Variants in FANCB observed in about 807,000 individuals in gnomAD.
FANCB encodes Fanconi anemia group B protein.
In FANCB, 5 loss-of-function variants were observed where a neutral mutation model predicts 38.9. That is an observed-to-expected ratio of 0.13 (90% CI 0.07 to 0.27). The LOEUF is 0.27. FANCB is among the 10% of genes least tolerant of loss of function. The pLI is 1.00. For missense variants in FANCB, 573 were observed against 602.7 expected (o/e 0.95, Z 0.52); for synonymous variants, 236 against 215.4 (o/e 1.10, Z -0.84).
At chrX:14,738,163 T>G in the FANCB span, among the ~76,000 whole-genome samples, 1 of 112,386 alleles carries the variant, frequency 8.9e-6, no homozygotes, top group Admixed American at 9.4e-5. Context: ...TTTTCTCTGA[T>G]TCTAGACTAC....
rs770009999 is a variant in FANCB at position 14,860,634 on chromosome X, C to T, written c.952-1300G>A. On this transcript the variant is annotated intron_variant, in intron 3 of 9. Coordinates refer to ENST00000650831, the MANE Select transcript of FANCB (RefSeq NM_001018113.3). ...TAACACAATATATCTAAAATATTGTCATTTTAATTCAATGTAATCATTAAA... is the reference window on the plus strand; with the variant it reads ...TAACACAATATATCTAAAATATTGTTATTTTAATTCAATGTAATCATTAAA... Among the ~76,000 whole-genome samples the T allele has an allele frequency of 1.1e-3, 121 of 112,053 alleles. 1 individual carries two copies. Among genetic ancestry groups the T allele is most frequent in the African/African-American group, 3.8e-3 (117 of 30,891 alleles).
the FANCB span, among the ~76,000 whole-genome samples, chrX:14,767,937 A>T: frequency 8.9e-6 from 1 of 112,086 alleles, no homozygotes; most frequent in African/African-American, 3.2e-5. Context: ...TTTATTAGAC[A>T]GTCCTTTCCC....
rs2092465702 is a variant in FANCB at position 14,865,499 on chromosome X, T to A, written c.12A>T (p.Lys4Asn). The stretch of plus-strand genomic sequence containing the variant: ...CTTGTTCGTTAGATGACATTGCTTG[T>A]TTGCTAGTCATTCCACAATATCAAG... MTS[K>N]QAMSSNEQER... The change falls in exon 3 of 10, where the codon AAA becomes AAT. Residue 4 changes from lysine (K) to asparagine (N), a missense_variant. Transcript: ENST00000650831. 8.4e-7 allele frequency: 1 copy of A among 1,184,124 alleles called. No homozygotes were observed. The highest frequency in any genetic ancestry group is 1.8e-5 in the African/African-American group (1 of 56,831).
the FANCB span, among the ~76,000 whole-genome samples, chrX:14,810,362 T>C: frequency 8.9e-6 from 1 of 112,047 alleles, no homozygotes; most frequent in South Asian, 3.7e-4. Flanking sequence ...ACGATCAAAC[T>C]ACTCTGAGCT....
chrX:14,721,288 T>C, the FANCB span, among the ~76,000 whole-genome samples: 9 of 107,924 alleles, frequency 8.3e-5, no homozygotes, highest in Non-Finnish European at 1.3e-4. Flanking sequence ...TTAATAATAA[T>C]GTACATTTCA....
downstream of FANCB, among the ~76,000 whole-genome samples, chrX:14,831,439 G>A (rs1036907754): frequency 2.7e-5 from 3 of 111,946 alleles, no homozygotes; most frequent in African/African-American, 9.7e-5. Flanking sequence ...GCTGAGAGGT[G>A]AGAAATGAAT....
the FANCB span, among the ~76,000 whole-genome samples, chrX:14,755,386 A>C: frequency 8.9e-6 from 1 of 111,735 alleles, no homozygotes; most frequent in South Asian, 3.7e-4. Context: ...TTATATATTT[A>C]AAAAAAATCC....
At chrX:14,751,527 G>A in the FANCB span, among the ~76,000 whole-genome samples, 2 of 111,999 alleles carry the variant, frequency 1.8e-5, no homozygotes, top group Admixed American at 9.4e-5. Flanking sequence ...TGGGATGCAG[G>A]TAATGTTCTC....
chrX:14,727,171 A>T, the FANCB span, among the ~76,000 whole-genome samples: 9 of 111,530 alleles, frequency 8.1e-5, no homozygotes, highest in African/African-American at 2.9e-4. Flanking sequence ...TTTAAAAAAA[A>T]TAGACCCTAA....
the FANCB span, among the ~76,000 whole-genome samples, chrX:14,696,145 G>A: frequency 3.9e-5 from 4 of 103,234 alleles, no homozygotes; most frequent in Non-Finnish European, 7.9e-5. Flanking sequence ...GAAGAAGGAA[G>A]GAAGAAAGAA....
the FANCB span, among the ~76,000 whole-genome samples, chrX:14,741,813 G>A: frequency 2.9e-4 from 32 of 111,551 alleles, no homozygotes; most frequent in African/African-American, 9.8e-4. Context: ...TAAGGAGCGA[G>A]GTATTTACAA....
chrX:14,839,151 G>A (rs1014894438), downstream of FANCB, among the ~76,000 whole-genome samples: 13 of 110,759 alleles, frequency 1.2e-4, no homozygotes. Flanking sequence ...AAACTTAGGC[G>A]GCCATAGTGA....
the FANCB span, among the ~76,000 whole-genome samples, chrX:14,743,301 C>T: frequency 9.0e-6 from 1 of 111,587 alleles, no homozygotes; most frequent in Non-Finnish European, 1.9e-5. Flanking sequence ...CACCTTTCAA[C>T]CATGAATGTC....
the FANCB span, among the ~76,000 whole-genome samples, chrX:14,717,126 G>C: frequency 3.6e-5 from 4 of 110,959 alleles, no homozygotes. Context: ...CCTATAATAG[G>C]AGCTTCTTTA....
At chrX:14,690,343 T>C in the FANCB span, among the ~76,000 whole-genome samples, 1 of 112,071 alleles carries the variant, frequency 8.9e-6, no homozygotes, top group Non-Finnish European at 1.9e-5. Flanking sequence ...CATGTTTCAA[T>C]ATATGTACAC....
the FANCB span, among the ~76,000 whole-genome samples, chrX:14,818,863 GGT>G: frequency 2.7e-5 from 3 of 111,512 alleles, no homozygotes; most frequent in Non-Finnish European, 5.7e-5. Context: ...TCTCAATTTG[GGT>G]ACTAAATTTT....
At chrX:14,755,147 A>G in the FANCB span, among the ~76,000 whole-genome samples, 1 of 111,886 alleles carries the variant, frequency 8.9e-6, no homozygotes, top group African/African-American at 3.2e-5. Flanking sequence ...CAAGGAATGT[A>G]CCTCAACGTA....
At chrX:14,733,244 C>A in the FANCB span, among the ~76,000 whole-genome samples, 2 of 111,609 alleles carry the variant, frequency 1.8e-5, no homozygotes, top group Non-Finnish European at 1.9e-5. Flanking sequence ...TGTTTTGGTA[C>A]CAGTACCATG....
chrX:14,734,869 G>A, the FANCB span, among the ~76,000 whole-genome samples: 4 of 108,486 alleles, frequency 3.7e-5, no homozygotes, highest in African/African-American at 6.7e-5. Flanking sequence ...CCAATCAAAC[G>A]TAGATTTGGT....
Sources: gnomAD v4.1 joint callset for allele counts (sites outside exome capture counted in the v4.1 genomes callset) on GRCh38, gnomAD v4.1.1 for gene constraint, MANE v1.5 for transcripts, NCBI Gene and HGNC (gene_info 2026-07-23, HGNC 2026-07-21) for gene names.